AK6: variants seen among roughly 807,000 people sequenced by gnomAD.
The protein encoded by AK6 is adenylate kinase isoenzyme 6.
In AK6, 24 loss-of-function variants were observed where a neutral mutation model predicts 23.7. The ratio of observed to expected loss-of-function variants is 1.01; its 90% CI spans 0.73 to 1.43. The LOEUF is 1.43. Ranked by LOEUF, AK6 falls within the 40% of genes most tolerant of loss-of-function variation. The pLI is 0.00. For synonymous variants in AK6, 73 were observed against 69.8 expected, an observed-to-expected ratio of 1.05 and a Z score of -0.23; for missense variants, 191 against 199.1, an observed-to-expected ratio of 0.96 and a Z score of 0.24.
At chr5:69,355,531 A>C in intron 4 of AK6, 118 bp downstream of exon 4, 1 of 1,218,122 alleles carries the variant, frequency 8.2e-7, no homozygotes, top group Non-Finnish European at 1.1e-6. Flanking sequence ...TCTATCTCAA[A>C]AAAACAAAAC....
intron 4 of AK6, among the ~76,000 whole-genome samples, chr5:69,353,589 C>G (rs1159823926): frequency 6.6e-6 from 1 of 152,048 alleles, no homozygotes; most frequent in Non-Finnish European, 1.5e-5. Flanking sequence ...AGCCACCGCG[C>G]CCACCCCCAA....
chr5:69,363,207 AAC>A (rs1337266760), intron 2 of AK6, among the ~76,000 whole-genome samples: 1 of 152,120 alleles, frequency 6.6e-6, no homozygotes, highest in Admixed American at 6.5e-5. Context: ...CAGCCTGGGC[AAC>A]AGAGCAAGAC....
chr5:69,354,514 C>T (rs995499729), intron 4 of AK6, among the ~76,000 whole-genome samples: 8 of 152,182 alleles, frequency 5.3e-5, no homozygotes, highest in Non-Finnish European at 1.0e-4. Context: ...TGAGATTGCT[C>T]TCTAATTTCT....
chr5:69,363,492 CAGAA>C (rs1021540538), intron 2 of AK6, among the ~76,000 whole-genome samples: 30 of 152,232 alleles, frequency 2.0e-4, no homozygotes, highest in Non-Finnish European at 4.0e-4. Context: ...AGATATAAAA[CAGAA>C]AGGCCGGGCT....
At position 69,366,611 on chromosome 5, in the gene AK6, C is replaced by A. The variant is rs1423732951; in HGVS notation, c.29-16G>T. 6.4e-7 allele frequency: 1 copy of A among 1,569,744 alleles called. No homozygotes were observed. The highest frequency in any genetic ancestry group is 8.8e-7 in the Non-Finnish European group (1 of 1,140,338). ...CCTGGTGTACCTGTAAGACAAGCCA[C>A]AGAAAAATACTGTTTGTGAAATACT... On this transcript the variant is annotated splice_polypyrimidine_tract_variant and intron_variant, in intron 1 of 4. Coordinates refer to ENST00000380822, the MANE Select transcript of AK6 (RefSeq NM_016283.5).
chr5:69,352,405 T>C (rs1266834459), intron 4 of AK6, 152 bp from the exon 5 acceptor site: 5 of 555,466 alleles, frequency 9.0e-6, no homozygotes, highest in Non-Finnish European at 1.3e-5. Flanking sequence ...TACCTGTTTA[T>C]ATGACACAGT....
chr5:69,369,329 T>C (rs1196686594), intron 1 of AK6, 134 bp downstream of exon 1: 1 of 826,384 alleles, frequency 1.2e-6, no homozygotes, highest in Non-Finnish European at 1.6e-6. Context: ...CCCGGGGCGC[T>C]GACAACCGCC....
chr5:69,365,400 G>C (rs747941480), intron 2 of AK6: 3 of 1,614,200 alleles, frequency 1.9e-6, no homozygotes, highest in Non-Finnish European at 2.5e-6. Context: ...TGGCAACCTA[G>C]GACCTGAATA....
chr5:69,369,228 C>CA (rs1404724861), intron 1 of AK6: 2 of 66,122 alleles, frequency 3.0e-5, no homozygotes, highest in South Asian at 3.9e-4. Context: ...CTCTCTCCAC[C>CA]CCCCCCCGCC....
chr5:69,364,984 C>G (rs1296805051), intron 2 of AK6: 2 of 1,613,454 alleles, frequency 1.2e-6, no homozygotes, highest in Admixed American at 3.3e-5. Flanking sequence ...TCGTCATCAT[C>G]ATCATCTTCA....
intron 1 of AK6, chr5:69,367,698 A>G (rs1374378773): frequency 6.6e-6 from 1 of 152,104 alleles, no homozygotes; most frequent in Non-Finnish European, 1.5e-5. Context: ...GACCACAGGT[A>G]TGCACCACCA....
intron 2 of AK6, chr5:69,364,795 CTTCAT>C (rs1762343792): frequency 2.6e-6 from 2 of 762,944 alleles, no homozygotes. Flanking sequence ...GATGAAAAAC[CTTCAT>C]TTCAATTGAA....
chr5:69,358,978 C>T (rs1282834492), intron 2 of AK6, among the ~76,000 whole-genome samples: 2 of 151,632 alleles, frequency 1.3e-5, no homozygotes, highest in South Asian at 2.1e-4. Context: ...TGGTGGTTCG[C>T]GCTTATAATC....
chr5:69,354,142 A>G (rs1284227664), intron 4 of AK6, among the ~76,000 whole-genome samples: 2 of 152,170 alleles, frequency 1.3e-5, no homozygotes, highest in Non-Finnish European at 2.9e-5. Context: ...ATAGTTAAAA[A>G]TACTAACTAG....
At chr5:69,367,661 TC>T (rs1345920211) in intron 1 of AK6, among the ~76,000 whole-genome samples, 4 of 151,998 alleles carry the variant, frequency 2.6e-5, no homozygotes, top group Non-Finnish European at 5.9e-5. Context: ...CAAGCAATCC[TC>T]CCATCTCAGC....
intron 2 of AK6, among the ~76,000 whole-genome samples, chr5:69,362,062 C>G (rs1224596215): frequency 7.1e-6 from 1 of 141,398 alleles, no homozygotes; most frequent in African/African-American, 2.6e-5. Context: ...CAGGATGATA[C>G]TAAACTTTTA....
intron 2 of AK6, among the ~76,000 whole-genome samples, chr5:69,361,870 G>A (rs1305507464): frequency 6.6e-6 from 1 of 151,406 alleles, no homozygotes; most frequent in Non-Finnish European, 1.5e-5. Flanking sequence ...CCTCCCAAAA[G>A]TGCTAGGATT....
intron 2 of AK6, among the ~76,000 whole-genome samples, chr5:69,364,207 A>G (rs1762323377): frequency 6.6e-6 from 1 of 151,080 alleles, no homozygotes; most frequent in Non-Finnish European, 1.5e-5. Context: ...AATATTTTAA[A>G]TTAAAAAAAA....
At chr5:69,354,676 T>C (rs1385668419) in intron 4 of AK6, among the ~76,000 whole-genome samples, 1 of 152,190 alleles carries the variant, frequency 6.6e-6, no homozygotes, top group Non-Finnish European at 1.5e-5. Flanking sequence ...GAAATGCTGG[T>C]TTATTTTGTT....
Sources: allele counts gnomAD v4.1 joint callset (sites outside exome capture counted in the v4.1 genomes callset), GRCh38; gene constraint gnomAD v4.1.1; transcripts MANE v1.5; gene names NCBI Gene and HGNC (gene_info 2026-07-23, HGNC 2026-07-21).